CD2AP: variants seen among roughly 807,000 people sequenced by gnomAD.
The protein encoded by CD2AP is CD2 associated protein, also known as CD2-associated protein.
CD2AP carries 46 observed loss-of-function variants against 85.1 expected under a neutral mutation model. The ratio of observed to expected loss-of-function variants is 0.54; its 90% CI spans 0.43 to 0.69. The LOEUF (loss-of-function observed/expected upper bound fraction) is 0.69, where lower values mean the gene tolerates loss of function less well. Among genes scored for constraint, CD2AP ranks in the 30% least tolerant of loss-of-function variants. The pLI, the probability that CD2AP is intolerant of heterozygous loss-of-function variation, is 0.00. For missense variants in CD2AP, 769 were observed against 729.5 expected (o/e 1.05, Z -0.62); for synonymous variants, 255 against 252.9 (o/e 1.01, Z -0.08).
intron 2 of CD2AP, among the ~76,000 whole-genome samples, chr6:47,518,054 G>A (rs1283995189): frequency 1.3e-5 from 2 of 152,180 alleles, no homozygotes; most frequent in African/African-American, 4.8e-5. Flanking sequence ...TGTGTCAGGT[G>A]TTGTTGGGGG....
At chr6:47,613,993 G>T (rs1009486878) in intron 17 of CD2AP, among the ~76,000 whole-genome samples, 8 of 152,148 alleles carry the variant, frequency 5.3e-5, no homozygotes, top group African/African-American at 1.9e-4. Flanking sequence ...TTCCTCTGCT[G>T]CTTCGTCACC....
chr6:47,482,340 C>A (rs1436613397), intron 1 of CD2AP, among the ~76,000 whole-genome samples: 1 of 150,834 alleles, frequency 6.6e-6, no homozygotes, highest in African/African-American at 2.4e-5. Context: ...TTTATAGTTT[C>A]CTGTAGAAAT....
rs1377264494 is a variant in CD2AP, at chr6:47,554,865, A to G, written c.541+99A>G. The G allele has an allele frequency of 6.4e-6, 8 of 1,240,682 alleles. No individual in the cohort carries two copies. The East Asian group carries it at 2.1e-4, about 32-fold the overall frequency. The allele number at this position is 1,240,682 out of a possible 1,614,324, so 76.9% of individuals were successfully genotyped here. ...TTTGAAACTCTGTTCTTTCTTTTGA[A>G]CTTTGAGTCAGCTTCAATTAGTCTA... On this transcript the variant is annotated intron_variant, in intron 5 of 17. Transcript: ENST00000359314.
At chr6:47,576,655 T>C in intron 7 of CD2AP, 53 bp downstream of exon 7, 1 of 1,255,378 alleles carries the variant, frequency 8.0e-7, no homozygotes, top group Non-Finnish European at 1.2e-6. Flanking sequence ...CATACTCAAA[T>C]GTATTAAGAG....
intron 1 of CD2AP, among the ~76,000 whole-genome samples, 192 bp from the exon 2 acceptor site, chr6:47,503,088 C>T (rs1415515950): frequency 6.6e-6 from 1 of 152,160 alleles, no homozygotes; most frequent in Non-Finnish European, 1.5e-5. Flanking sequence ...CTGTATTGTA[C>T]TCTATATTAA....
chr6:47,578,461 C>T (rs752068341), intron 8 of CD2AP, among the ~76,000 whole-genome samples: 1 of 152,172 alleles, frequency 6.6e-6, no homozygotes, highest in Admixed American at 6.5e-5. Flanking sequence ...AATCTTCCCA[C>T]ATCAGCCTCT....
At chr6:47,587,097 A>T (rs1340886640) in intron 11 of CD2AP, among the ~76,000 whole-genome samples, 1 of 152,198 alleles carries the variant, frequency 6.6e-6, no homozygotes, top group African/African-American at 2.4e-5. Flanking sequence ...TTTACTAAGT[A>T]ACAGTAAACA....
chr6:47,608,870 T>C (rs1192011825), intron 15 of CD2AP, among the ~76,000 whole-genome samples: 2 of 152,282 alleles, frequency 1.3e-5, no homozygotes, highest in South Asian at 2.1e-4. Flanking sequence ...TAATATACAT[T>C]TGATGGATTT....
chr6:47,514,923 G>A (rs767174046), intron 2 of CD2AP, among the ~76,000 whole-genome samples: 5 of 151,974 alleles, frequency 3.3e-5, no homozygotes, highest in South Asian at 4.2e-4. Flanking sequence ...GTGGTGGCAC[G>A]CACCTGCAAT....
At chr6:47,509,154 G>A (rs1766254138) in intron 2 of CD2AP, among the ~76,000 whole-genome samples, 2 of 152,118 alleles carry the variant, frequency 1.3e-5, no homozygotes, top group Admixed American at 6.5e-5. Context: ...CCTGAGGAGT[G>A]GGAAAGGGTA....
At chr6:47,615,657 A>T (rs1254115129) in intron 17 of CD2AP, among the ~76,000 whole-genome samples, 1 of 151,988 alleles carries the variant, frequency 6.6e-6, no homozygotes, top group East Asian at 1.9e-4. Flanking sequence ...AATACCTCTC[A>T]CCTGGCCCCA....
In CD2AP at chr6:47,478,053, A is replaced by C. The variant is rs1056434; in HGVS notation, c.-192A>C. The C allele has an allele frequency of 0.59, 413,595 of 701,490 alleles. 123,905 individuals carry two copies. Among genetic ancestry groups the C allele is most frequent in the East Asian group, 0.81 (29,519 of 36,332 alleles). 43.5% of individuals were successfully genotyped at this position (701,490 alleles called of 1,614,324 possible). Reference sequence around the variant, plus strand: ...TGTCGCCGCCTTTGCCTCTGCCTCGAGGGCCGCGCTGAAGAGACTGGTAGG... The same window carrying C: ...TGTCGCCGCCTTTGCCTCTGCCTCGCGGGCCGCGCTGAAGAGACTGGTAGG... On this transcript the variant is annotated 5_prime_UTR_variant, in exon 1 of 18. Transcript: ENST00000359314.
At chr6:47,620,178 A>G (rs980039901) in intron 17 of CD2AP, among the ~76,000 whole-genome samples, 1 of 152,160 alleles carries the variant, frequency 6.6e-6, no homozygotes, top group Non-Finnish European at 1.5e-5. Context: ...ATCTTCAAGA[A>G]TTTTTATAGT....
chr6:47,538,273 C>G (rs1025803408), intron 3 of CD2AP, among the ~76,000 whole-genome samples: 5 of 152,062 alleles, frequency 3.3e-5, no homozygotes, highest in African/African-American at 1.2e-4. Context: ...CAGAGTTTCG[C>G]TCTTCTTACC....
At chr6:47,588,593 C>T (rs1306221231) in intron 11 of CD2AP, among the ~76,000 whole-genome samples, 1 of 152,008 alleles carries the variant, frequency 6.6e-6, no homozygotes, top group Non-Finnish European at 1.5e-5. Flanking sequence ...ACAGAAAATC[C>T]TTATTGAAAC....
At chr6:47,553,513 A>ATTTTTTTTTTT (rs148273065) in intron 4 of CD2AP, among the ~76,000 whole-genome samples, 129 of 110,486 alleles carry the variant, frequency 1.2e-3, no homozygotes, top group African/African-American at 1.6e-3. Context: ...CACCTAGTGA[A>ATTTTTTTTTTT]TTTTTTTTTT....
At chr6:47,520,754 T>G (rs1158783671) in intron 2 of CD2AP, among the ~76,000 whole-genome samples, 1 of 75,944 alleles carries the variant, frequency 1.3e-5, no homozygotes, top group Non-Finnish European at 3.1e-5. Flanking sequence ...TTTTTTTTTG[T>G]CCCTGTGGTG....
intron 2 of CD2AP, among the ~76,000 whole-genome samples, chr6:47,519,477 C>T (rs890343450): frequency 1.3e-5 from 2 of 152,108 alleles, no homozygotes; most frequent in Non-Finnish European, 2.9e-5. Context: ...TGTTTGACTT[C>T]TTTTGATGAC....
At chr6:47,601,050 T>A (rs1462015944) in intron 13 of CD2AP, among the ~76,000 whole-genome samples, 2 of 151,932 alleles carry the variant, frequency 1.3e-5, no homozygotes, top group South Asian at 2.1e-4. Flanking sequence ...GAATTTTTTT[T>A]AAAATTTAGG....
Sources: gnomAD v4.1 joint callset for allele counts (sites outside exome capture counted in the v4.1 genomes callset) on GRCh38, gnomAD v4.1.1 for gene constraint, MANE v1.5 for transcripts, NCBI Gene and HGNC (gene_info 2026-07-23, HGNC 2026-07-21) for gene names.